Variants in ETNK1 observed in about 807,000 individuals in gnomAD.
ETNK1 encodes ethanolamine kinase 1.
Under a neutral mutation model 45.1 loss-of-function variants are expected in ETNK1, and 8 were observed. That is an observed-to-expected ratio of 0.18 (90% CI 0.10 to 0.32). The LOEUF (loss-of-function observed/expected upper bound fraction) is 0.32. Among genes scored for constraint, ETNK1 ranks in the 10% least tolerant of loss-of-function variants. The pLI is 1.00. For synonymous variants in ETNK1, 152 were observed against 151.9 expected (o/e 1.00, Z -0.01); for missense variants, 302 against 430.6 (o/e 0.70, Z 2.64).
At chr12:22,639,459 C>T (rs1339296216) in intron 1 of ETNK1, among the ~76,000 whole-genome samples, 2 of 152,030 alleles carry the variant, frequency 1.3e-5, no homozygotes, top group African/African-American at 2.4e-5. Flanking sequence ...GGTGGATCAC[C>T]TGAGATCAGG....
intron 6 of ETNK1, among the ~76,000 whole-genome samples, chr12:22,676,358 T>A (rs867275207): frequency 2.6e-5 from 4 of 152,268 alleles, no homozygotes; most frequent in Middle Eastern, 3.4e-3. Flanking sequence ...TGATGGCTGT[T>A]TAGTATTCCA....
chr12:22,637,229 C>T (rs555660846), intron 1 of ETNK1, among the ~76,000 whole-genome samples: 5 of 152,310 alleles, frequency 3.3e-5, no homozygotes, highest in African/African-American at 1.2e-4. Flanking sequence ...ATAGAGTTCA[C>T]GTTGTTTGTT....
chr12:22,644,067 T>A, intron 2 of ETNK1, 45 bp downstream of exon 2: 1 of 1,534,810 alleles, frequency 6.5e-7, no homozygotes, highest in Non-Finnish European at 8.8e-7. Context: ...AATAGGGCAT[T>A]TAAGTGCATT....
At position 22,688,997 on chromosome 12, in the gene ETNK1, A is replaced by T. The variant is rs1193462958; in HGVS notation, c.*4043A>T. On this transcript the variant is annotated 3_prime_UTR_variant, in exon 8 of 8. Coordinates refer to ENST00000266517, the MANE Select transcript of ETNK1 (RefSeq NM_018638.5). Reference sequence around the variant, plus strand: ...ATGTCGTTGGACAGAAAAGTGTATCAATTATTTTAAATGAATTTTTCCCCA... The same window carrying T: ...ATGTCGTTGGACAGAAAAGTGTATCTATTATTTTAAATGAATTTTTCCCCA... 2.0e-5 allele frequency: 3 copies of T among 151,914 alleles called. No individual in the cohort carries two copies. Among genetic ancestry groups the T allele is most frequent in the Non-Finnish European group, 3.0e-5 (2 of 67,792 alleles). 9.4% of individuals were successfully genotyped at this position (151,914 alleles called of 1,614,324 possible).
chr12:22,656,448 C>T lies in ETNK1; in HGVS notation c.417-2566C>T, dbSNP rs890392689. The stretch of plus-strand genomic sequence containing the variant: ...TTGTTTCAGATCAGAAGAGCAGAAA[C>T]GGCTTAGTTCTAAAGAGACTGTTTG... On this transcript the variant is annotated intron_variant, in intron 2 of 7. Transcript: ENST00000266517. 28 of 985,274 alleles carry T rather than the reference C, an allele frequency of 2.8e-5. 1 individual carries two copies. The highest frequency in any genetic ancestry group is 1.2e-4 in the Admixed American group (2 of 16,254). The allele number at this position is 985,274 out of a possible 1,614,324, so 61.0% of individuals were successfully genotyped here.
rs1954278295 is a variant in ETNK1 at position 22,688,480 on chromosome 12, A to G, written c.*3526A>G. Reference sequence around the variant, plus strand: ...AATTATACAAATATTTCTTTTTTACATTACACAGAAGCCTTCTGTACCATT... The same window carrying G: ...AATTATACAAATATTTCTTTTTTACGTTACACAGAAGCCTTCTGTACCATT... On this transcript the variant is annotated 3_prime_UTR_variant, in exon 8 of 8. Transcript: ENST00000266517. The G allele has an allele frequency of 6.6e-6, 1 of 152,320 alleles. No homozygotes were observed. The highest frequency in any genetic ancestry group is 1.5e-5 in the Non-Finnish European group (1 of 67,798). The allele number at this position is 152,320 out of a possible 1,614,324, so 9.4% of individuals were successfully genotyped here.
intron 2 of ETNK1, among the ~76,000 whole-genome samples, chr12:22,647,149 C>G (rs1440816002): frequency 6.6e-6 from 1 of 151,824 alleles, no homozygotes; most frequent in African/African-American, 2.4e-5. Context: ...CGGACACCTT[C>G]AGAAAATTTT....
chr12:22,680,970 C>T (rs1954210052), intron 6 of ETNK1, among the ~76,000 whole-genome samples: 1 of 123,490 alleles, frequency 8.1e-6, no homozygotes, highest in African/African-American at 2.9e-5. Context: ...TTGAATATTT[C>T]TTTGCAACAG....
intron 6 of ETNK1, among the ~76,000 whole-genome samples, chr12:22,679,815 C>T (rs1203199567): frequency 1.3e-5 from 2 of 151,674 alleles, no homozygotes; most frequent in Non-Finnish European, 2.9e-5. Context: ...GTTCTCTGGC[C>T]TCAGTAGCTA....
rs745988567 is a variant in ETNK1 at position 22,643,877 on chromosome 12, G to A, written c.271G>A (p.Asp91Asn). The change falls in exon 2 of 8, where the codon GAT becomes AAT. Residue 91 changes from aspartate to asparagine, a missense_variant. Physicochemically the swap from Asp to Asn is conservative, Grantham distance 23 (BLOSUM62 1). This residue lies in a region of ETNK1 where 205 missense variants were observed against 259.9 expected (regional missense o/e 0.79). Coordinates refer to ENST00000266517, the MANE Select transcript of ETNK1 (RefSeq NM_018638.5). ...TAAGACTGAGTTATTAGTCGATCGA[G>A]ATGAGGAAGTAAAGAGTTTTCGAGT... is the stretch of plus-strand genomic sequence containing the variant. The part of the protein sequence containing the change: ...GNKTELLVDR[D>N]EEVKSFRVLQ... 3.1e-6 allele frequency: 5 copies of A among 1,613,500 alleles called. No homozygotes were observed. The South Asian group carries it at 5.5e-5, about 18-fold the overall frequency.
intron 4 of ETNK1, among the ~76,000 whole-genome samples, chr12:22,669,814 A>G (rs568221188): frequency 2.3e-5 from 3 of 129,252 alleles, no homozygotes; most frequent in Non-Finnish European, 5.4e-5. Context: ...TACAAAAAAC[A>G]AAAAGAGAAA....
chr12:22,628,174 C>G (rs1007861756), intron 1 of ETNK1, among the ~76,000 whole-genome samples: 4 of 151,996 alleles, frequency 2.6e-5, no homozygotes, highest in Admixed American at 6.6e-5. Flanking sequence ...CCCAACTATC[C>G]TGTGAGGTAG....
At chr12:22,655,012 A>T (rs1953920297) in intron 2 of ETNK1, among the ~76,000 whole-genome samples, 1 of 152,164 alleles carries the variant, frequency 6.6e-6, no homozygotes, top group African/African-American at 2.4e-5. Context: ...CTTGTTACCC[A>T]CGTTGGAGTA....
intron 4 of ETNK1, among the ~76,000 whole-genome samples, chr12:22,665,881 C>T (rs2137562825): frequency 6.6e-6 from 1 of 152,114 alleles, no homozygotes; most frequent in South Asian, 2.1e-4. Context: ...TATGATGTGA[C>T]AATTCAGTTT....
chr12:22,659,176 A>C, intron 3 of ETNK1, 22 bp downstream of exon 3: 6 of 1,603,476 alleles, frequency 3.7e-6, no homozygotes, highest in Non-Finnish European at 5.1e-6. Flanking sequence ...TTTACATTTG[A>C]AATTATGTTT....
chr12:22,656,871 A>G (rs1208163658), intron 2 of ETNK1: 1 of 880,016 alleles, frequency 1.1e-6, no homozygotes, highest in South Asian at 5.2e-5. Context: ...AAATATTTCT[A>G]AGATATAATA....
chr12:22,658,942 A>G (rs1182058386), intron 2 of ETNK1, 72 bp from the exon 3 acceptor site: 2 of 1,482,434 alleles, frequency 1.3e-6, no homozygotes, highest in East Asian at 4.6e-5. Flanking sequence ...AGTTTCATCA[A>G]GAATCTTTGT....
chr12:22,644,002 C>T lies in ETNK1; in HGVS notation c.396C>T (p.Val132=). Reference sequence around the variant, plus strand: ...GAGAAGCACTGGATCCAAAGCATGTCTGCAACCCAGCCATTTTCAGGTACA... The same window carrying T: ...GAGAAGCACTGGATCCAAAGCATGTTTGCAACCCAGCCATTTTCAGGTACA... ...IQGEALDPKH[V]CNPAIFRLIA... The change falls in exon 2 of 8, where the codon GTC becomes GTT. Residue 132 remains valine (V), a synonymous_variant. Coordinates refer to ENST00000266517, the MANE Select transcript of ETNK1 (RefSeq NM_018638.5). 6.3e-7 allele frequency: 1 copy of T among 1,596,044 alleles called. No individual in the cohort carries two copies. The highest frequency in any genetic ancestry group is 8.6e-7 in the Non-Finnish European group (1 of 1,168,238).
chr12:22,681,420 T>C (rs1028425487), intron 6 of ETNK1, among the ~76,000 whole-genome samples: 1 of 151,948 alleles, frequency 6.6e-6, no homozygotes, highest in Non-Finnish European at 1.5e-5. Flanking sequence ...ACAGAGCAAA[T>C]TTAGTAGGAA....
Sources: allele counts gnomAD v4.1 joint callset (sites outside exome capture counted in the v4.1 genomes callset), GRCh38; gene constraint gnomAD v4.1.1; regional missense constraint gnomAD v4.1.1; transcripts MANE v1.5; gene names NCBI Gene and HGNC (gene_info 2026-07-23, HGNC 2026-07-21).